The following URM1 variants were observed in gnomAD, a reference collection of about 807,000 sequenced individuals.
The protein encoded by URM1 is ubiquitin-related modifier 1.
In URM1, 11 loss-of-function variants were observed where a neutral mutation model predicts 17.7. The observed-to-expected ratio is 0.62, with a 90% CI of 0.39 to 1.03. The LOEUF is 1.03. URM1 is among the 50% of genes least tolerant of loss of function. URM1 has a pLI of 0.00. For synonymous variants in URM1, 48 were observed against 50.6 expected (o/e 0.95, Z 0.22); for missense variants, 128 against 129.2 (o/e 0.99, Z 0.04).
chr9:128,381,704 A>G (rs1349717573), intron 2 of URM1, among the ~76,000 whole-genome samples: 1 of 151,692 alleles, frequency 6.6e-6, no homozygotes, highest in East Asian at 1.9e-4. Context: ...AAAACAAAAC[A>G]AATAAAAGGT....
chr9:128,382,557 G>A (rs1588583842), intron 2 of URM1, among the ~76,000 whole-genome samples: 1 of 152,192 alleles, frequency 6.6e-6, no homozygotes, highest in African/African-American at 2.4e-5. Flanking sequence ...TTCCAACCCA[G>A]CCAATTTGGG....
rs1338979363 is a variant in URM1 at position 128,389,809 on chromosome 9, A to C, written c.*75A>C. ...AGACATCCCCTTGGGCCCTGCTTCCAGGTCTCCCTGTCCCCCTTGCCTGCC... is the reference window on the plus strand; with the variant it reads ...AGACATCCCCTTGGGCCCTGCTTCCCGGTCTCCCTGTCCCCCTTGCCTGCC... On this transcript the variant is annotated 3_prime_UTR_variant, in exon 5 of 5. Coordinates refer to ENST00000372853, the MANE Select transcript of URM1 (RefSeq NM_030914.4). The C allele has an allele frequency of 3.1e-6, 5 of 1,594,562 alleles. No individual in the cohort carries two copies. The African/African-American group carries it at 6.7e-5, about 21-fold the overall frequency.
rs1833050186 is a variant in URM1, at chr9:128,374,331, G to C, written c.35+2916G>C. ...AAAACAGCCTCGGCCTCTGAGCCTG[G>C]CACCACCAGGTTTGGCCAGTCTTGG... On this transcript the variant is annotated intron_variant, in intron 1 of 4. Coordinates refer to ENST00000372853, the MANE Select transcript of URM1 (RefSeq NM_030914.4). 3.3e-5 allele frequency among the ~76,000 whole-genome samples: 5 copies of C among 152,166 alleles called. No homozygotes were observed. In the South Asian group the frequency reaches 1.0e-3, roughly 32 times the overall value.
At chr9:128,389,342 C>G in intron 4 of URM1, 33 bp downstream of exon 4, 3 of 1,613,952 alleles carry the variant, frequency 1.9e-6, no homozygotes, top group Non-Finnish European at 2.5e-6. Flanking sequence ...CTCCCCCAGC[C>G]CCTGCCCTTG....
chr9:128,390,081 G>A lies in URM1; in HGVS notation c.*347G>A, dbSNP rs904654606. On this transcript the variant is annotated 3_prime_UTR_variant, in exon 5 of 5. Coordinates refer to ENST00000372853, the MANE Select transcript of URM1 (RefSeq NM_030914.4). ...ACCTCAGTCTAAACATGGAGTGGCC[G>A]CTGACAAGGCGCTCCAGCCCCAGAG... 12 of 305,750 alleles carry A rather than the reference G, an allele frequency of 3.9e-5. No homozygotes were observed. The highest frequency in any genetic ancestry group is 8.7e-5 in the African/African-American group (4 of 45,886). The allele number at this position is 305,750 out of a possible 1,614,324, so 18.9% of individuals were successfully genotyped here. A position where few individuals can be genotyped will look rare whatever the true frequency, so the allele number is the denominator to read the frequency against.
rs1053723236 is a variant in URM1, at chr9:128,387,697, T to C, written c.107-119T>C. On this transcript the variant is annotated intron_variant, in intron 2 of 4. Transcript: ENST00000372853. The surrounding 1 kb of genome is among the most constrained non-coding windows in gnomAD (Gnocchi z 4.3). The stretch of plus-strand genomic sequence containing the variant: ...TACAAGTTCATGGGCTATCACAGCC[T>C]GGTCTAAAAGAAGCCCTCTAAACAC... 6.6e-7 allele frequency: 1 copy of C among 1,513,148 alleles called. No homozygotes were observed. Among genetic ancestry groups the C allele is most frequent in the African/African-American group, 1.4e-5 (1 of 72,956 alleles). The allele number at this position is 1,513,148 out of a possible 1,614,324, so 93.7% of individuals were successfully genotyped here. A position where few individuals can be genotyped will look rare whatever the true frequency, so the allele number is the denominator to read the frequency against.
intron 2 of URM1, among the ~76,000 whole-genome samples, chr9:128,379,204 G>A (rs574931774): frequency 3.3e-5 from 5 of 151,894 alleles, no homozygotes; most frequent in Non-Finnish European, 5.9e-5. Flanking sequence ...AAGTCAGGCC[G>A]GACGTGGTGG....
chr9:128,373,264 A>G (rs897595648), intron 1 of URM1, among the ~76,000 whole-genome samples: 8 of 149,128 alleles, frequency 5.4e-5, no homozygotes, highest in Middle Eastern at 6.9e-3. Flanking sequence ...AATGCCCAAC[A>G]TGATGCTCAA....
At chr9:128,371,488 T>G in intron 1 of URM1, 73 bp downstream of exon 1, 1 of 1,522,858 alleles carries the variant, frequency 6.6e-7, no homozygotes, top group Non-Finnish European at 9.0e-7. Context: ...CCTTCTGCCG[T>G]GGGGCCTGAC....
At chr9:128,388,856 C>T (rs768837783) in intron 3 of URM1, 43 of 1,006,166 alleles carry the variant, frequency 4.3e-5, no homozygotes, top group Non-Finnish European at 5.0e-5. Flanking sequence ...AGATTAGACC[C>T]CTGGAAAAGT....
chr9:128,389,966 C>A lies in URM1; in HGVS notation c.*232C>A. ...CAGAGCCCAGCACTCCCTTTTCCAGCAGCTGTGGTGGGGGAGGGTTCCCCT... is the reference window on the plus strand; with the variant it reads ...CAGAGCCCAGCACTCCCTTTTCCAGAAGCTGTGGTGGGGGAGGGTTCCCCT... On this transcript the variant is annotated 3_prime_UTR_variant, in exon 5 of 5. Transcript: ENST00000372853. 1.7e-6 allele frequency: 1 copy of A among 585,394 alleles called. No individual in the cohort carries two copies. The highest frequency in any genetic ancestry group is 3.0e-6 in the Non-Finnish European group (1 of 338,376). 36.3% of individuals were successfully genotyped at this position (585,394 alleles called of 1,614,324 possible). A position where few individuals can be genotyped will look rare whatever the true frequency, so the allele number is the denominator to read the frequency against.
intron 2 of URM1, among the ~76,000 whole-genome samples, chr9:128,381,938 A>C (rs1436298318): frequency 6.6e-6 from 1 of 152,194 alleles, no homozygotes; most frequent in Non-Finnish European, 1.5e-5. Context: ...CATGAGTTCA[A>C]CAACTACTTA....
At chr9:128,386,173 C>A (rs1462664884) in intron 2 of URM1, among the ~76,000 whole-genome samples, 1 of 152,224 alleles carries the variant, frequency 6.6e-6, no homozygotes, top group Non-Finnish European at 1.5e-5. Flanking sequence ...CACACAGGCA[C>A]ACCCCCGCCC....
intron 2 of URM1, among the ~76,000 whole-genome samples, chr9:128,386,830 G>C (rs1360658274): frequency 1.3e-5 from 2 of 152,206 alleles, no homozygotes; most frequent in African/African-American, 4.8e-5. Context: ...ACTCGGGATG[G>C]GGTGCTTAAC....
At chr9:128,383,455 C>T (rs1461672892) in intron 2 of URM1, among the ~76,000 whole-genome samples, 1 of 152,170 alleles carries the variant, frequency 6.6e-6, no homozygotes, top group African/African-American at 2.4e-5. Context: ...GTCTTGGAGC[C>T]TGGTGGACTT....
At chr9:128,389,078 A>G (rs1447965872) in intron 3 of URM1, 183 bp from the exon 4 acceptor site, 18 of 1,406,068 alleles carry the variant, frequency 1.3e-5, no homozygotes, top group Non-Finnish European at 1.7e-5. Context: ...AAGACCATGC[A>G]TGACTGACCT....
chr9:128,387,316 G>A lies in URM1; in HGVS notation c.107-500G>A, dbSNP rs1192414751. Among the ~76,000 whole-genome samples the A allele has an allele frequency of 6.6e-6, 1 of 152,230 alleles. No homozygotes were observed. Among genetic ancestry groups the A allele is most frequent in the African/African-American group, 2.4e-5 (1 of 41,456 alleles). On this transcript the variant is annotated intron_variant, in intron 2 of 4. Coordinates refer to ENST00000372853, the MANE Select transcript of URM1 (RefSeq NM_030914.4). This position sits in a 1 kb window ranked among gnomAD's most constrained non-coding sequence, Gnocchi z 4.3. ...GAAATTAACTGATGTTATCAGCTCA[G>A]CAATTGTTTTTTTCCCCTCACAAAG...
chr9:128,378,522 G>A lies in URM1; in HGVS notation c.106+416G>A, dbSNP rs1340376551. ...CATGCCACTGTACTCTAGCCTGGGC[G>A]ACAAAGCAAGACTCCATCTCAAAAA... On this transcript the variant is annotated intron_variant, in intron 2 of 4. Transcript: ENST00000372853. Among the ~76,000 whole-genome samples the A allele has an allele frequency of 3.4e-4, 34 of 99,262 alleles. No homozygotes were observed. In the Admixed American group the frequency reaches 5.0e-3, roughly 14 times the overall value. 65.1% of individuals were successfully genotyped at this position (99,262 alleles called of 152,430 possible).
intron 2 of URM1, among the ~76,000 whole-genome samples, chr9:128,382,831 C>T (rs1833177394): frequency 6.6e-6 from 1 of 152,212 alleles, no homozygotes; most frequent in Non-Finnish European, 1.5e-5. Context: ...TCTTAACAGC[C>T]ATCTCGCTGA....
Sources: gnomAD v4.1 joint callset for allele counts (sites outside exome capture counted in the v4.1 genomes callset) on GRCh38, gnomAD v4.1.1 for gene constraint, Gnocchi (gnomAD v3.1) non-coding constraint, MANE v1.5 for transcripts, NCBI Gene and HGNC (gene_info 2026-07-23, HGNC 2026-07-21) for gene names.